LRCH3: variants seen among roughly 807,000 people sequenced by gnomAD.
The protein encoded by LRCH3 is DISP complex protein LRCH3.
In LRCH3, 68 loss-of-function variants were observed where a neutral mutation model predicts 104.5. That is an observed-to-expected ratio of 0.65 (90% CI 0.54 to 0.80). The LOEUF (loss-of-function observed/expected upper bound fraction) is 0.80. LRCH3 is among the 30% of genes least tolerant of loss of function. The pLI, the probability that LRCH3 is intolerant of heterozygous loss-of-function variation, is 0.00. For synonymous variants in LRCH3, 344 were observed against 361.3 expected, an observed-to-expected ratio of 0.95 and a Z score of 0.54; for missense variants, 951 against 953.9, an observed-to-expected ratio of 1.00 and a Z score of 0.04.
intron 8 of LRCH3, among the ~76,000 whole-genome samples, 163 bp from the exon 9 acceptor site, chr3:197,835,511 A>T (rs993772645): frequency 2.6e-5 from 4 of 152,088 alleles, no homozygotes; most frequent in African/African-American, 9.7e-5. Context: ...AAAAAAAAAA[A>T]AAAAAAAGAC....
chr3:197,813,058 C>G (rs1253111377), intron 1 of LRCH3, among the ~76,000 whole-genome samples: 1 of 152,064 alleles, frequency 6.6e-6, no homozygotes, highest in Non-Finnish European at 1.5e-5. Context: ...TAATAGTTAT[C>G]TGAATGGGTA....
chr3:197,877,810 T>A (rs1013552188), intron 20 of LRCH3, among the ~76,000 whole-genome samples: 2 of 152,200 alleles, frequency 1.3e-5, no homozygotes, highest in African/African-American at 4.8e-5. Context: ...GAAATTTACA[T>A]AAAGTGGTAG....
chr3:197,810,931 C>T lies in LRCH3; in HGVS notation c.263-3977C>T, dbSNP rs1283103666. Among the ~76,000 whole-genome samples, 1 of 151,890 alleles carries T rather than the reference C, an allele frequency of 6.6e-6. No homozygotes were observed. Among genetic ancestry groups the T allele is most frequent in the Non-Finnish European group, 1.5e-5 (1 of 67,988 alleles). On this transcript the variant is annotated intron_variant, in intron 1 of 20. Transcript: ENST00000425562. The surrounding 1 kb of genome is among the most constrained non-coding windows in gnomAD (Gnocchi z 4.0). ...TAGAAAAACTATGTTTTGTGATCTC[C>T]CTGGGTTACATAATTAATATTAATA... is the stretch of plus-strand genomic sequence containing the variant.
At chr3:197,861,527 A>G (rs2109467039) in intron 15 of LRCH3, among the ~76,000 whole-genome samples, 1 of 152,316 alleles carries the variant, frequency 6.6e-6, no homozygotes, top group African/African-American at 2.4e-5. Flanking sequence ...TATGAGATTA[A>G]AAATAAAACT....
chr3:197,851,519 G>A (rs1160594201), intron 12 of LRCH3, among the ~76,000 whole-genome samples: 1 of 152,204 alleles, frequency 6.6e-6, no homozygotes, highest in African/African-American at 2.4e-5. Flanking sequence ...TGGCAGTATT[G>A]CAGTGACAAG....
chr3:197,846,359 A>G (rs1353845967), intron 10 of LRCH3, among the ~76,000 whole-genome samples: 6 of 145,494 alleles, frequency 4.1e-5, no homozygotes, highest in Non-Finnish European at 7.5e-5. Flanking sequence ...AGCCATGATC[A>G]CGGCATTGCA....
chr3:197,852,743 C>A (rs1739780812), intron 13 of LRCH3, 123 bp downstream of exon 13: 1 of 949,990 alleles, frequency 1.1e-6, no homozygotes, highest in Non-Finnish European at 1.6e-6. Flanking sequence ...TTCCACCTCA[C>A]AATATTCTCC....
chr3:197,805,899 A>T (rs1264077934), intron 1 of LRCH3, among the ~76,000 whole-genome samples: 1 of 152,042 alleles, frequency 6.6e-6, no homozygotes, highest in Non-Finnish European at 1.5e-5. Context: ...TTCCACCCAG[A>T]ATTTCAATGT....
chr3:197,879,845 T>C (rs1203428552), intron 20 of LRCH3, among the ~76,000 whole-genome samples: 2 of 151,842 alleles, frequency 1.3e-5, no homozygotes, highest in African/African-American at 4.8e-5. Flanking sequence ...TTTTTTTTTT[T>C]TAAATAGAGG....
At position 197,839,378 on chromosome 3, in the gene LRCH3, A is replaced by C; in HGVS notation, c.1309A>C (p.Arg437=). ...REFQKTEDMR[R]YLHQNRVPAE... is the part of the protein sequence containing the mutation. Reference sequence around the variant, plus strand: ...GTTTCAAAAAACAGAAGATATGAGAAGATATTTACATCAAAACAGGTTTGA... The same window carrying C: ...GTTTCAAAAAACAGAAGATATGAGACGATATTTACATCAAAACAGGTTTGA... The change falls in exon 10 of 21, where the codon AGA becomes CGA. Residue 437 remains arginine, a synonymous_variant. Coordinates refer to ENST00000425562, the MANE Select transcript of LRCH3 (RefSeq NM_001365715.1). 6.3e-7 allele frequency: 1 copy of C among 1,593,010 alleles called. No homozygotes were observed. Among genetic ancestry groups the C allele is most frequent in the Admixed American group, 1.9e-5 (1 of 53,192 alleles).
At chr3:197,826,106 A>G (rs1735174563) in intron 4 of LRCH3, among the ~76,000 whole-genome samples, 1 of 152,192 alleles carries the variant, frequency 6.6e-6, no homozygotes, top group Admixed American at 6.5e-5. Context: ...TACTATCTTT[A>G]TATGGCTGAT....
chr3:197,847,150 CTG>C (rs1253311067), intron 10 of LRCH3, among the ~76,000 whole-genome samples: 1 of 152,148 alleles, frequency 6.6e-6, no homozygotes, highest in African/African-American at 2.4e-5. Context: ...TCTCAATTAA[CTG>C]TATTGTTGGT....
At chr3:197,850,326 C>T in intron 12 of LRCH3, 63 of 717,098 alleles carry the variant, frequency 8.8e-5, no homozygotes, top group Middle Eastern at 4.0e-4. Flanking sequence ...TTAATTCTCC[C>T]AACTCTCTTT....
At chr3:197,880,059 C>G (rs1378454415) in intron 20 of LRCH3, among the ~76,000 whole-genome samples, 1 of 151,224 alleles carries the variant, frequency 6.6e-6, no homozygotes, top group Admixed American at 6.6e-5. Context: ...CATTCTCCTG[C>G]CTCAGCCTCC....
chr3:197,850,778 T>C, intron 12 of LRCH3: 2 of 1,244,780 alleles, frequency 1.6e-6, no homozygotes, highest in Middle Eastern at 2.3e-4. Context: ...AACGTCGGAA[T>C]GGTACACGCT....
chr3:197,855,632 A>G (rs545921600), intron 14 of LRCH3, among the ~76,000 whole-genome samples: 1 of 151,644 alleles, frequency 6.6e-6, no homozygotes, highest in South Asian at 2.1e-4. Context: ...AGGAAACCGA[A>G]GGTTTAATAA....
At position 197,887,209 on chromosome 3, in the gene LRCH3, T is replaced by C. The variant is rs1210908211; in HGVS notation, c.*3543T>C. 6.7e-6 allele frequency: 1 copy of C among 149,222 alleles called. No individual in the cohort carries two copies. The allele number at this position is 149,222 out of a possible 1,614,324, so 9.2% of individuals were successfully genotyped here. On this transcript the variant is annotated 3_prime_UTR_variant, in exon 21 of 21. Coordinates refer to ENST00000425562, the MANE Select transcript of LRCH3 (RefSeq NM_001365715.1). ...TGTATTCAGTATTTTGTATGTACCTTTTTTTTTTTAAATTGGAAAGCACAA... is the reference window on the plus strand; with the variant it reads ...TGTATTCAGTATTTTGTATGTACCTCTTTTTTTTTAAATTGGAAAGCACAA...
intron 18 of LRCH3, 119 bp downstream of exon 18, chr3:197,870,397 ACT>A (rs1451415643): frequency 1.1e-5 from 11 of 971,832 alleles, no homozygotes; most frequent in African/African-American, 6.7e-5. Flanking sequence ...ACGGAGTCTC[ACT>A]CTGTCACCCA....
At position 197,870,228 on chromosome 3, in the gene LRCH3, A is replaced by G. The variant is rs753283941; in HGVS notation, c.1942A>G (p.Asn648Asp). The change falls in exon 18 of 21, where the codon AAT (asparagine) becomes GAT (aspartate). Residue 648 changes from asparagine to aspartate, a missense_variant. Transcript: ENST00000425562. ...TDSTDSITGQ[N>D]SRQREEELEL... The stretch of plus-strand genomic sequence containing the variant: ...TTCTACAGATTCCATAACAGGACAG[A>G]ATTCAAGACAGAGAGAAGAAGAGCT... The G allele has an allele frequency of 2.6e-5, 42 of 1,613,396 alleles. No individual in the cohort carries two copies. The highest frequency in any genetic ancestry group is 3.4e-6 in the Non-Finnish European group (4 of 1,179,408).
Sources: gnomAD v4.1 joint callset for allele counts (sites outside exome capture counted in the v4.1 genomes callset) on GRCh38, gnomAD v4.1.1 for gene constraint, Gnocchi (gnomAD v3.1) non-coding constraint, MANE v1.5 for transcripts, NCBI Gene and HGNC (gene_info 2026-07-23, HGNC 2026-07-21) for gene names.